CSMD3: variants seen among roughly 807,000 people sequenced by gnomAD.
CSMD3 encodes CUB and sushi domain-containing protein 3.
CSMD3 carries 177 observed loss-of-function variants against 435.2 expected under a neutral mutation model. That is an observed-to-expected ratio of 0.41 (90% CI 0.36 to 0.46). The LOEUF (loss-of-function observed/expected upper bound fraction) is 0.46. Ranked by LOEUF, CSMD3 falls within the 20% of genes least tolerant of loss-of-function variation. The probability of loss-of-function intolerance (pLI) is 0.34; values close to 1 mark genes in which losing one functional copy is unlikely to be tolerated. For synonymous variants in CSMD3, 1,656 were observed against 1,520.5 expected (o/e 1.09, Z -2.07); for missense variants, 4,265 against 4,504.6 (o/e 0.95, Z 1.52).
intron 59 of CSMD3, among the ~76,000 whole-genome samples, chr8:112,270,369 T>TGTGTGTGTTAGGGGTGA (rs1554623042): frequency 7.3e-5 from 11 of 150,468 alleles, no homozygotes; most frequent in African/African-American, 2.4e-4. Context: ...TGTGTGTGTG[T>TGTGTGTGTTAGGGGTGA]GTGTGTGTGT....
intron 22 of CSMD3, among the ~76,000 whole-genome samples, chr8:112,621,492 C>A (rs948586989): frequency 3.3e-5 from 5 of 152,026 alleles, no homozygotes; most frequent in Middle Eastern, 3.2e-3. Context: ...GTCTGCAATT[C>A]TCCTCCCATT....
chr8:112,582,460 T>A (rs1830401488), intron 23 of CSMD3, among the ~76,000 whole-genome samples: 1 of 151,436 alleles, frequency 6.6e-6, no homozygotes, highest in African/African-American at 2.4e-5. Flanking sequence ...TTTGAGATAC[T>A]GCAGGGAGGC....
In CSMD3 at chr8:113,019,176, T is replaced by C. The variant is rs762692060; in HGVS notation, c.921A>G (p.Leu307=). 6.3e-7 allele frequency: 1 copy of C among 1,599,940 alleles called. No homozygotes were observed. Among genetic ancestry groups the C allele is most frequent in the South Asian group, 1.1e-5 (1 of 90,818 alleles). ...TTGGTGGTGGTATATTCATTCCAGA[T>C]AACCTGAATTACAAAAGACAACAAC... is the stretch of plus-strand genomic sequence containing the variant. ...IEGSEPPTIW[L]SGMNIPPPII... is the part of the protein sequence containing the mutation. Residue 307 remains leucine (L), a synonymous_variant, in exon 6 of 71, where the codon TTA becomes TTG. Transcript: ENST00000297405.
At chr8:113,204,472 C>G (rs28533723) in intron 3 of CSMD3, among the ~76,000 whole-genome samples, 56,526 of 151,804 alleles carry the variant, frequency 0.37, 11,405 homozygotes, top group African/African-American at 0.54. Flanking sequence ...AAAAGTTATA[C>G]TAAAATAATA....
At chr8:113,325,540 TTG>T (rs1434471841) in intron 1 of CSMD3, among the ~76,000 whole-genome samples, 1 of 152,172 alleles carries the variant, frequency 6.6e-6, no homozygotes, top group Non-Finnish European at 1.5e-5. Flanking sequence ...GCTCTTTCTT[TTG>T]TAAATTGTTG....
At chr8:113,001,241 T>C (rs1195576589) in intron 6 of CSMD3, among the ~76,000 whole-genome samples, 1 of 152,010 alleles carries the variant, frequency 6.6e-6, no homozygotes, top group African/African-American at 2.4e-5. Flanking sequence ...CTTAAACATA[T>C]TTTCCCTCTC....
intron 10 of CSMD3, among the ~76,000 whole-genome samples, chr8:112,901,558 A>G (rs2082109679): frequency 6.6e-6 from 1 of 151,322 alleles, no homozygotes; most frequent in African/African-American, 2.4e-5. Flanking sequence ...GAAAGTAAAT[A>G]CACATGGCTC....
At chr8:113,336,353 T>C (rs2094075042) in intron 1 of CSMD3, among the ~76,000 whole-genome samples, 1 of 152,120 alleles carries the variant, frequency 6.6e-6, no homozygotes, top group Non-Finnish European at 1.5e-5. Context: ...GCCTGTGCTG[T>C]TTGTCGAGGC....
At chr8:112,429,443 A>G (rs960155077) in intron 32 of CSMD3, among the ~76,000 whole-genome samples, 1 of 152,080 alleles carries the variant, frequency 6.6e-6, no homozygotes, top group South Asian at 2.1e-4. Context: ...AGATATATAT[A>G]TATAGTTCAA....
At chr8:112,707,395 A>G (rs1351939916) in intron 13 of CSMD3, among the ~76,000 whole-genome samples, 1 of 151,628 alleles carries the variant, frequency 6.6e-6, no homozygotes, top group East Asian at 2.0e-4. Context: ...AAGGGCTATC[A>G]GCACAACCTC....
chr8:113,424,802 G>A (rs543241464), intron 1 of CSMD3, among the ~76,000 whole-genome samples: 1 of 151,576 alleles, frequency 6.6e-6, no homozygotes, highest in East Asian at 1.9e-4. Flanking sequence ...CCTTTCATTG[G>A]AAAGTTACAA....
At chr8:112,767,686 A>T (rs2078013744) in intron 13 of CSMD3, among the ~76,000 whole-genome samples, 1 of 151,850 alleles carries the variant, frequency 6.6e-6, no homozygotes, top group Non-Finnish European at 1.5e-5. Context: ...GTCCAAGGGT[A>T]TAGTTTCCTT....
At chr8:112,353,130 C>T (rs2131067825) in intron 38 of CSMD3, among the ~76,000 whole-genome samples, 1 of 152,186 alleles carries the variant, frequency 6.6e-6, no homozygotes, top group East Asian at 1.9e-4. Context: ...GTGGTTCATG[C>T]CTGTAATCCC....
intron 61 of CSMD3, among the ~76,000 whole-genome samples, chr8:112,262,592 A>G (rs1267954087): frequency 6.6e-6 from 1 of 152,120 alleles, no homozygotes; most frequent in East Asian, 1.9e-4. Flanking sequence ...ATGAAATTCA[A>G]ATAAGGTGAC....
At chr8:112,465,534 C>T (rs1418171731) in intron 32 of CSMD3, among the ~76,000 whole-genome samples, 3 of 152,096 alleles carry the variant, frequency 2.0e-5, no homozygotes, top group African/African-American at 4.8e-5. Flanking sequence ...TTATACCCTC[C>T]AAATTAAATA....
At chr8:112,983,841 T>C (rs1180739431) in intron 6 of CSMD3, among the ~76,000 whole-genome samples, 1 of 151,966 alleles carries the variant, frequency 6.6e-6, no homozygotes, top group Non-Finnish European at 1.5e-5. Context: ...GAAGAAAGAC[T>C]ATTATGGTGT....
intron 1 of CSMD3, among the ~76,000 whole-genome samples, chr8:113,402,448 C>G (rs978633793): frequency 6.6e-6 from 1 of 151,132 alleles, no homozygotes; most frequent in Admixed American, 6.6e-5. Context: ...GTTTATGTAC[C>G]AAGCAATGAT....
chr8:113,093,328 T>C (rs759573581), intron 5 of CSMD3, among the ~76,000 whole-genome samples: 2 of 151,540 alleles, frequency 1.3e-5, no homozygotes, highest in South Asian at 4.2e-4. Context: ...GAATGGATGA[T>C]GGAAGAAAAA....
intron 6 of CSMD3, among the ~76,000 whole-genome samples, chr8:113,009,027 A>G (rs1464949214): frequency 6.6e-6 from 1 of 151,540 alleles, no homozygotes; most frequent in African/African-American, 2.4e-5. Context: ...TATTTTTGCC[A>G]TATTGCTTAC....
Sources: gnomAD v4.1 joint callset for allele counts (sites outside exome capture counted in the v4.1 genomes callset) on GRCh38, gnomAD v4.1.1 for gene constraint, MANE v1.5 for transcripts, NCBI Gene and HGNC (gene_info 2026-07-23, HGNC 2026-07-21) for gene names.